Variants in COL1A2 observed in about 807,000 individuals in gnomAD.
COL1A2 encodes collagen alpha-2(I) chain.
A neutral mutation model predicts 174.3 loss-of-function variants in COL1A2; 49 were observed. The observed-to-expected ratio is 0.28, with a 90% CI of 0.22 to 0.36. COL1A2 has a LOEUF of 0.36. Among genes scored for constraint, COL1A2 ranks in the 10% least tolerant of loss-of-function variants. The probability of loss-of-function intolerance (pLI) is 1.00; values close to 1 mark genes in which losing one functional copy is unlikely to be tolerated. For synonymous variants in COL1A2, 655 were observed against 606.6 expected (o/e 1.08, Z -1.17); for missense variants, 1,438 against 1,822.7 (o/e 0.79, Z 3.84).
intron 51 of COL1A2, 88 bp downstream of exon 51, chr7:94,429,518 G>T: frequency 1.4e-6 from 2 of 1,461,054 alleles, no homozygotes; most frequent in East Asian, 4.5e-5. Context: ...GGGTCTAAAG[G>T]GGGGTTAAAA....
intron 12 of COL1A2, among the ~76,000 whole-genome samples, chr7:94,407,007 A>G (rs1791815056): frequency 6.6e-6 from 1 of 152,192 alleles, no homozygotes; most frequent in African/African-American, 2.4e-5. Flanking sequence ...TCATTCTCCC[A>G]AGAGCCCGAT....
In COL1A2 at chr7:94,418,525, T is replaced by C. The variant is rs1792088754; in HGVS notation, c.1998T>C (p.Ile666=). The stretch of plus-strand genomic sequence containing the variant: ...GTGAACCTGGTCTCAGAGGTGAAAT[T>C]GGTAACCCTGGCAGAGATGGTGCTC... ...EKGEPGLRGE[I]GNPGRDGARG... The change falls in exon 33 of 52, where the codon ATT becomes ATC. Residue 666 remains isoleucine, a synonymous_variant. Coordinates refer to ENST00000297268, the MANE Select transcript of COL1A2 (RefSeq NM_000089.4). The C allele has an allele frequency of 2.5e-6, 4 of 1,613,902 alleles. No homozygotes were observed. In the African/African-American group the frequency reaches 4.0e-5, roughly 16 times the overall value.
At chr7:94,417,647 T>C in intron 31 of COL1A2, 77 bp from the exon 32 acceptor site, 2 of 1,275,452 alleles carry the variant, frequency 1.6e-6, no homozygotes, top group East Asian at 2.5e-5. Flanking sequence ...GCTGTTTAAA[T>C]TGGAATTCTT....
At chr7:94,401,229 A>G (rs1404757671) in intron 5 of COL1A2, among the ~76,000 whole-genome samples, 1 of 152,152 alleles carries the variant, frequency 6.6e-6, no homozygotes, top group Non-Finnish European at 1.5e-5. Context: ...AGGAGCCCTT[A>G]GTAACATTAA....
rs1791690477 is a variant in COL1A2, at chr7:94,401,588, G to A, written c.247G>A (p.Gly83Arg). Residue 83 changes from glycine to arginine, a missense_variant, in exon 6 of 52, where the codon GGA (glycine) becomes AGA (arginine). This residue lies in a region of COL1A2 where 281 missense variants were observed against 310.9 expected (regional missense o/e 0.90). Coordinates refer to ENST00000297268, the MANE Select transcript of COL1A2 (RefSeq NM_000089.4). ...CTAGAACTTTGCTGCTCAGTATGAT[G>A]GAAAAGGAGTTGGACTTGGCCCTGG... The part of the protein sequence containing the change: ...LGGNFAAQYD[G>R]KGVGLGPGPM... 2 of 1,563,162 alleles carry A rather than the reference G, an allele frequency of 1.3e-6. No homozygotes were observed. Among genetic ancestry groups the A allele is most frequent in the Non-Finnish European group, 1.7e-6 (2 of 1,152,620 alleles).
chr7:94,428,240 C>A, intron 49 of COL1A2, 53 bp from the exon 50 acceptor site: 1 of 1,370,086 alleles, frequency 7.3e-7, no homozygotes. Flanking sequence ...TTATTAGAAT[C>A]TGTGTTCTGC....
intron 31 of COL1A2, 169 bp from the exon 32 acceptor site, chr7:94,417,555 A>ATC: frequency 1.5e-6 from 1 of 645,288 alleles, no homozygotes; most frequent in Admixed American, 2.1e-5. Context: ...CATTAACAGC[A>ATC]TCTCTCTCTG....
intron 5 of COL1A2, among the ~76,000 whole-genome samples, chr7:94,401,149 TG>T (rs1161242637): frequency 6.6e-6 from 1 of 152,224 alleles, no homozygotes; most frequent in Non-Finnish European, 1.5e-5. Flanking sequence ...AGTCATTTTG[TG>T]TAGCTCCGGT....
At chr7:94,423,473 T>C (rs1792210749) in intron 40 of COL1A2, 2 of 330,730 alleles carry the variant, frequency 6.0e-6, no homozygotes, top group South Asian at 3.0e-5. Flanking sequence ...ACATACACTG[T>C]CCAGTATTAG....
rs1792206646 is a variant in COL1A2, at chr7:94,423,263, C to G, written c.2565+145C>G. The G allele has an allele frequency of 5.2e-6, 5 of 954,652 alleles. No homozygotes were observed. In the East Asian group the frequency reaches 1.0e-4, roughly 20 times the overall value. The allele number at this position is 954,652 out of a possible 1,614,324, so 59.1% of individuals were successfully genotyped here. On this transcript the variant is annotated intron_variant, in intron 40 of 51. Transcript: ENST00000297268. Reference sequence around the variant, plus strand: ...CAGTTGAGCCAGGAAATCTGTCCAGCACACACTGAGGGGCTGTGGCTTCCA... The same window carrying G: ...CAGTTGAGCCAGGAAATCTGTCCAGGACACACTGAGGGGCTGTGGCTTCCA...
intron 39 of COL1A2, chr7:94,422,750 G>A: frequency 1.6e-6 from 1 of 609,478 alleles, no homozygotes; most frequent in Non-Finnish European, 2.9e-6. Flanking sequence ...TCCATTATTT[G>A]GTTGGTTACA....
At position 94,416,314 on chromosome 7, in the gene COL1A2, C is replaced by T. The variant is rs1432266800; in HGVS notation, c.1765-91C>T. The T allele has an allele frequency of 7.9e-6, 9 of 1,133,510 alleles. No individual in the cohort carries two copies. The East Asian group carries it at 1.0e-4, about 13-fold the overall frequency. 70.2% of individuals were successfully genotyped at this position (1,133,510 alleles called of 1,614,324 possible). On this transcript the variant is annotated intron_variant, in intron 30 of 51. Coordinates refer to ENST00000297268, the MANE Select transcript of COL1A2 (RefSeq NM_000089.4). ...TTGCTAATAAATGCAAACCAGGGCT[C>T]GGAAGCTACACAAATGTAAACTCTC...
At chr7:94,419,045 C>T (rs1792099275) in intron 33 of COL1A2, among the ~76,000 whole-genome samples, 1 of 147,826 alleles carries the variant, frequency 6.8e-6, no homozygotes, top group Non-Finnish European at 1.5e-5. Context: ...GTCTAATTAC[C>T]TTATCTCGTA....
chr7:94,423,160 A>C (rs1416128230), intron 40 of COL1A2, 42 bp downstream of exon 40: 5 of 1,607,154 alleles, frequency 3.1e-6, no homozygotes, highest in Non-Finnish European at 4.3e-6. Context: ...CCTTATGCTG[A>C]ATTAAAATAA....
chr7:94,423,172 G>T, intron 40 of COL1A2, 54 bp downstream of exon 40: 2 of 1,599,620 alleles, frequency 1.3e-6, no homozygotes, highest in East Asian at 2.2e-5. Context: ...TTAAAATAAA[G>T]CCCCTACACA....
At chr7:94,398,315 T>C in intron 2 of COL1A2, 67 bp from the exon 3 acceptor site, 1 of 535,300 alleles carries the variant, frequency 1.9e-6, no homozygotes, top group Non-Finnish European at 3.0e-6. Flanking sequence ...TACACCAAAA[T>C]GGAAGCTGTT....
At chr7:94,414,603 T>G (rs556912462) in intron 29 of COL1A2, among the ~76,000 whole-genome samples, 1 of 152,348 alleles carries the variant, frequency 6.6e-6, no homozygotes, top group African/African-American at 2.4e-5. Context: ...AAAAAGTAAA[T>G]GCACAATTTT....
chr7:94,418,438 T>A, intron 32 of COL1A2, 61 bp from the exon 33 acceptor site: 1 of 1,439,750 alleles, frequency 6.9e-7, no homozygotes, highest in African/African-American at 1.4e-5. Flanking sequence ...AAACTTCATA[T>A]TAATTTCGAT....
At position 94,409,433 on chromosome 7, in the gene COL1A2, T is replaced by G; in HGVS notation, c.891+13T>G. 6.2e-7 allele frequency: 1 copy of G among 1,613,868 alleles called. No individual in the cohort carries two copies. The highest frequency in any genetic ancestry group is 8.5e-7 in the Non-Finnish European group (1 of 1,179,742). On this transcript the variant is annotated intron_variant, in intron 17 of 51. Coordinates refer to ENST00000297268, the MANE Select transcript of COL1A2 (RefSeq NM_000089.4). ...CGTTGGACCTCCTGTAAGTAGCCAC[T>G]GTCTTTAAACTTTATTGAGTAAAAG...
Sources: gnomAD v4.1 joint callset for allele counts (sites outside exome capture counted in the v4.1 genomes callset) on GRCh38, gnomAD v4.1.1 for gene constraint, gnomAD v4.1.1 regional missense constraint, MANE v1.5 for transcripts, NCBI Gene and HGNC (gene_info 2026-07-23, HGNC 2026-07-21) for gene names.